Variants in PTGER3 observed in about 807,000 individuals in gnomAD.
PTGER3 encodes the protein prostaglandin E receptor 3.
Under a neutral mutation model 34.7 loss-of-function variants are expected in PTGER3, and 22 were observed. That is an observed-to-expected ratio of 0.63 (90% CI 0.45 to 0.91). The LOEUF is 0.91. Among genes scored for constraint, PTGER3 ranks in the 40% least tolerant of loss-of-function variants. The pLI, the probability that PTGER3 is intolerant of heterozygous loss-of-function variation, is 0.00. For synonymous variants in PTGER3, 241 were observed against 230.1 expected (o/e 1.05, Z -0.43); for missense variants, 468 against 519.4 (o/e 0.90, Z 0.96).
intron 2 of PTGER3, among the ~76,000 whole-genome samples, chr1:70,974,722 T>C (rs930054848): frequency 6.6e-6 from 1 of 152,162 alleles, no homozygotes; most frequent in Admixed American, 6.5e-5. Context: ...CTGATTATTT[T>C]TCGTGATTTC....
At chr1:71,037,138 C>T (rs1003728742) in intron 1 of PTGER3, among the ~76,000 whole-genome samples, 10 of 152,314 alleles carry the variant, frequency 6.6e-5, no homozygotes, top group South Asian at 2.1e-4. Flanking sequence ...CTGGACCAGC[C>T]GTGTCCTGCC....
At chr1:71,011,018 T>C (rs1055709944) in intron 2 of PTGER3, 7 of 985,606 alleles carry the variant, frequency 7.1e-6, no homozygotes, top group African/African-American at 7.0e-5. Flanking sequence ...GTTTACAAAA[T>C]GAATGCACCA....
At chr1:70,881,767 G>T (rs1473689545) in intron 4 of PTGER3, among the ~76,000 whole-genome samples, 3 of 152,180 alleles carry the variant, frequency 2.0e-5, no homozygotes, top group African/African-American at 4.8e-5. Context: ...GACTTCCTTA[G>T]GCAGAGGTTG....
At chr1:70,864,035 C>T (rs958906411) in intron 4 of PTGER3, among the ~76,000 whole-genome samples, 5 of 152,028 alleles carry the variant, frequency 3.3e-5, no homozygotes, top group South Asian at 2.1e-4. Context: ...TTACAGAAAT[C>T]GGGTAGCAGT....
chr1:70,946,935 G>A (rs1650279287), intron 4 of PTGER3, among the ~76,000 whole-genome samples: 1 of 152,036 alleles, frequency 6.6e-6, no homozygotes, highest in East Asian at 1.9e-4. Flanking sequence ...TATAATTCCA[G>A]GTGCAGTAAC....
At chr1:70,881,113 T>C (rs578061271) in intron 4 of PTGER3, among the ~76,000 whole-genome samples, 10 of 152,348 alleles carry the variant, frequency 6.6e-5, no homozygotes, top group Admixed American at 4.6e-4. Flanking sequence ...CCATTCTTTA[T>C]TGTTTTTGCT....
At chr1:70,951,364 T>C (rs898151007), downstream of PTGER3, 1 of 152,160 alleles carries the variant, frequency 6.6e-6, no homozygotes, top group Non-Finnish European at 1.5e-5. Flanking sequence ...CTAAATTTGG[T>C]GTAGGAAAGG....
At chr1:70,919,590 G>T (rs575137488) in intron 4 of PTGER3, among the ~76,000 whole-genome samples, 1 of 152,264 alleles carries the variant, frequency 6.6e-6, no homozygotes, top group African/African-American at 2.4e-5. Context: ...AGCAAACATT[G>T]TGATGATAAC....
intron 2 of PTGER3, among the ~76,000 whole-genome samples, chr1:70,988,717 A>G (rs1333335581): frequency 6.6e-6 from 1 of 152,142 alleles, no homozygotes; most frequent in Non-Finnish European, 1.5e-5. Context: ...AGAGATACCC[A>G]TCTGTGTTCT....
chr1:70,872,228 T>A (rs1452998605), intron 4 of PTGER3, among the ~76,000 whole-genome samples: 1 of 152,180 alleles, frequency 6.6e-6, no homozygotes. Context: ...ATGGTCGGTG[T>A]TTTTCTTGGT....
At chr1:70,919,053 C>T (rs1433857566) in intron 4 of PTGER3, among the ~76,000 whole-genome samples, 3 of 152,198 alleles carry the variant, frequency 2.0e-5, no homozygotes, top group Non-Finnish European at 2.9e-5. Context: ...CCTGCCTGGG[C>T]TTATTTGAAA....
chr1:70,983,478 T>G (rs916619740), intron 2 of PTGER3, among the ~76,000 whole-genome samples: 1 of 152,114 alleles, frequency 6.6e-6, no homozygotes, highest in African/African-American at 2.4e-5. Flanking sequence ...ATTTAGCGAA[T>G]GAATGGATAA....
intron 1 of PTGER3, among the ~76,000 whole-genome samples, chr1:71,036,623 A>G (rs376704104): frequency 2.0e-5 from 3 of 152,194 alleles, no homozygotes; most frequent in East Asian, 3.9e-4. Flanking sequence ...GGCGGATCAC[A>G]AGGTCAGGAG....
chr1:70,932,599 A>AC (rs914982984), intron 4 of PTGER3, among the ~76,000 whole-genome samples: 3 of 151,868 alleles, frequency 2.0e-5, no homozygotes, highest in African/African-American at 7.3e-5. Flanking sequence ...GAAAGCAAAA[A>AC]CCCCTGATAA....
At chr1:70,933,356 T>C (rs2100508434) in intron 4 of PTGER3, among the ~76,000 whole-genome samples, 1 of 152,236 alleles carries the variant, frequency 6.6e-6, no homozygotes, top group Middle Eastern at 3.4e-3. Context: ...TTTAATTCCA[T>C]TTCCTCCACC....
intron 4 of PTGER3, among the ~76,000 whole-genome samples, chr1:70,906,221 A>T (rs1646945100): frequency 6.6e-6 from 1 of 152,228 alleles, no homozygotes; most frequent in Admixed American, 6.5e-5. Flanking sequence ...GTTTATCAGC[A>T]GCGTGAAAGC....
intron 1 of PTGER3, among the ~76,000 whole-genome samples, chr1:71,020,719 T>C (rs973276794): frequency 1.3e-5 from 2 of 151,872 alleles, no homozygotes; most frequent in East Asian, 3.9e-4. Context: ...TGTGTGTGTG[T>C]GTGTGTGTGT....
At chr1:70,893,049 A>G (rs1408443628) in intron 4 of PTGER3, among the ~76,000 whole-genome samples, 3 of 152,096 alleles carry the variant, frequency 2.0e-5, no homozygotes, top group Non-Finnish European at 4.4e-5. Flanking sequence ...TTTCCTTACT[A>G]TTGAGTACAA....
chr1:71,032,825 T>C (rs923579655), intron 1 of PTGER3, among the ~76,000 whole-genome samples: 6 of 152,206 alleles, frequency 3.9e-5, no homozygotes, highest in African/African-American at 9.7e-5. Flanking sequence ...GAGTATTAAT[T>C]TGAGAACTGC....
Sources: gnomAD v4.1 joint callset for allele counts (sites outside exome capture counted in the v4.1 genomes callset) on GRCh38, gnomAD v4.1.1 for gene constraint, MANE v1.5 for transcripts, NCBI Gene and HGNC (gene_info 2026-07-23, HGNC 2026-07-21) for gene names.